Variants in GYS2 observed in about 807,000 individuals in gnomAD.
GYS2 encodes the protein glycogen synthase 2, also known as glycogen [starch] synthase, liver.
A neutral mutation model predicts 85.6 loss-of-function variants in GYS2; 80 were observed. That is an observed-to-expected ratio of 0.93 (90% CI 0.78 to 1.13). The LOEUF is 1.13. GYS2 is among the 50% of genes most tolerant of loss of function. The pLI is 0.00. For synonymous variants in GYS2, 328 were observed against 300.7 expected, an observed-to-expected ratio of 1.09 and a Z score of -0.94; for missense variants, 881 against 854.9, an observed-to-expected ratio of 1.03 and a Z score of -0.38.
chr12:21,571,618 A>G (rs573366045), intron 4 of GYS2, among the ~76,000 whole-genome samples: 2 of 152,172 alleles, frequency 1.3e-5, no homozygotes, highest in Non-Finnish European at 2.9e-5. Context: ...CCATTTTCCA[A>G]TCCCAAACGG....
At chr12:21,593,749 C>G (rs1944665379) in intron 1 of GYS2, among the ~76,000 whole-genome samples, 1 of 152,088 alleles carries the variant, frequency 6.6e-6, no homozygotes, top group African/African-American at 2.4e-5. Flanking sequence ...GGAATTCTCC[C>G]TAACTCATTC....
intron 1 of GYS2, among the ~76,000 whole-genome samples, chr12:21,596,820 G>C (rs1347508586): frequency 6.6e-6 from 1 of 152,150 alleles, no homozygotes; most frequent in Non-Finnish European, 1.5e-5. Flanking sequence ...GTCACTGTTT[G>C]CTGATGATAT....
chr12:21,538,933 C>T (rs1427110884), intron 15 of GYS2, among the ~76,000 whole-genome samples: 4 of 152,184 alleles, frequency 2.6e-5, no homozygotes, highest in East Asian at 1.9e-4. Context: ...TAAACACTTC[C>T]TTGGAGAGCA....
At chr12:21,599,187 A>G (rs1236110030) in intron 1 of GYS2, among the ~76,000 whole-genome samples, 1 of 152,104 alleles carries the variant, frequency 6.6e-6, no homozygotes, top group Non-Finnish European at 1.5e-5. Context: ...TATGCTTAAA[A>G]ATTACAGACT....
intron 4 of GYS2, among the ~76,000 whole-genome samples, chr12:21,570,436 T>C (rs1412813584): frequency 2.0e-5 from 3 of 152,226 alleles, no homozygotes; most frequent in African/African-American, 7.2e-5. Flanking sequence ...TGGCTGAAGG[T>C]AGGCAAAATT....
chr12:21,533,667 T>C (rs1185020134), downstream of GYS2, among the ~76,000 whole-genome samples: 2 of 152,238 alleles, frequency 1.3e-5, no homozygotes, highest in Non-Finnish European at 2.9e-5. Context: ...CCTGGAAAAC[T>C]ATTAGTATAA....
At position 21,574,046 on chromosome 12, in the gene GYS2, T is replaced by C. The variant is rs867881083; in HGVS notation, c.678+98A>G. On this transcript the variant is annotated intron_variant, in intron 4 of 15. Transcript: ENST00000261195. Reference sequence around the variant, plus strand: ...ATTAGCTAAAAGGGCATTTCTGCCATCTGGTTGGCAGATGAAATGTACAGA... The same window carrying C: ...ATTAGCTAAAAGGGCATTTCTGCCACCTGGTTGGCAGATGAAATGTACAGA... The C allele has an allele frequency of 3.0e-5, 29 of 957,032 alleles. No homozygotes were observed. The African/African-American group carries it at 4.5e-4, about 15-fold the overall frequency. The allele number at this position is 957,032 out of a possible 1,614,324, so 59.3% of individuals were successfully genotyped here.
At chr12:21,537,644 G>A (rs2136832617) in intron 15 of GYS2, among the ~76,000 whole-genome samples, 1 of 152,292 alleles carries the variant, frequency 6.6e-6, no homozygotes, top group Non-Finnish European at 1.5e-5. Flanking sequence ...GCTTTTGGAT[G>A]TGGATAGCCT....
At chr12:21,535,886 T>G (rs1943905383), downstream of GYS2, among the ~76,000 whole-genome samples, 1 of 152,238 alleles carries the variant, frequency 6.6e-6, no homozygotes, top group Non-Finnish European at 1.5e-5. Context: ...TAGACTTAAT[T>G]ACACTTAAAA....
At chr12:21,546,000 A>G (rs1944034398) in intron 12 of GYS2, among the ~76,000 whole-genome samples, 1 of 152,188 alleles carries the variant, frequency 6.6e-6, no homozygotes, top group Non-Finnish European at 1.5e-5. Context: ...CTTACAGTCA[A>G]TTTCTCCTTC....
chr12:21,542,393 T>G (rs944747449), intron 13 of GYS2, 103 bp downstream of exon 13: 1 of 795,460 alleles, frequency 1.3e-6, no homozygotes, highest in Non-Finnish European at 2.3e-6. Flanking sequence ...AACATTAGTT[T>G]AATTATCAGG....
chr12:21,547,535 G>A (rs1944056377), intron 11 of GYS2, among the ~76,000 whole-genome samples: 1 of 152,166 alleles, frequency 6.6e-6, no homozygotes, highest in African/African-American at 2.4e-5. Context: ...ACTACATGAT[G>A]TATGATTTCA....
chr12:21,543,396 G>T (rs1254603597), intron 12 of GYS2, among the ~76,000 whole-genome samples: 1 of 152,148 alleles, frequency 6.6e-6, no homozygotes, highest in Non-Finnish European at 1.5e-5. Flanking sequence ...GGTGGGTGGT[G>T]CAGAGGAGGA....
intron 4 of GYS2, among the ~76,000 whole-genome samples, chr12:21,571,137 T>G (rs1243800790): frequency 2.0e-5 from 3 of 152,196 alleles, no homozygotes; most frequent in East Asian, 1.9e-4. Context: ...AGAGGCAGGA[T>G]AGCAAGAGCC....
chr12:21,563,247 C>T lies in GYS2; in HGVS notation c.922G>A (p.Val308Ile), dbSNP rs779316853. ...TCATACCCATAGAAATGACCTCGAACAAAATCTTGGATTCTGGCCTTGTAC... is the reference window on the plus strand; with the variant it reads ...TCATACCCATAGAAATGACCTCGAATAAAATCTTGGATTCTGGCCTTGTAC... The part of the protein sequence containing the change: ...AMYKARIQDF[V>I]RGHFYGHLDF... Residue 308 changes from valine (V) to isoleucine (I), a missense_variant, in exon 6 of 16, where the codon GTT (valine) becomes ATT (isoleucine). Transcript: ENST00000261195. The T allele has an allele frequency of 1.9e-6, 3 of 1,605,236 alleles. No homozygotes were observed. In the South Asian group the frequency reaches 3.3e-5, roughly 18 times the overall value.
chr12:21,558,259 G>A lies in GYS2; in HGVS notation c.1363C>T (p.Pro455Ser). 1 of 1,613,974 alleles carries A rather than the reference G, an allele frequency of 6.2e-7. No homozygotes were observed. Among genetic ancestry groups the A allele is most frequent in the Non-Finnish European group, 8.5e-7 (1 of 1,179,870 alleles). ...ATCCGTCTAATGGTGCTGAGGATGG[G>A]GTCGGTGGAGTCATCAATCATGTTG... The part of the protein sequence containing the change: ...THNMIDDSTD[P>S]ILSTIRRIGL... The change falls in exon 11 of 16, where the codon CCC (proline) becomes TCC (serine). Residue 455 changes from proline (P) to serine (S), a missense_variant. Physicochemically the swap from Pro to Ser is moderately conservative, Grantham distance 74. Coordinates refer to ENST00000261195, the MANE Select transcript of GYS2 (RefSeq NM_021957.4).
chr12:21,584,874 C>A (rs932405193), intron 1 of GYS2, among the ~76,000 whole-genome samples: 1 of 152,192 alleles, frequency 6.6e-6, no homozygotes, highest in African/African-American at 2.4e-5. Flanking sequence ...CACTTTATGG[C>A]TAAAGAAGTG....
At chr12:21,551,339 T>C (rs1340125461) in intron 11 of GYS2, among the ~76,000 whole-genome samples, 6 of 152,082 alleles carry the variant, frequency 3.9e-5, no homozygotes, top group Non-Finnish European at 7.4e-5. Flanking sequence ...CTTGGGTATG[T>C]AACAATTATC....
chr12:21,582,040 C>G (rs142629194), intron 1 of GYS2, among the ~76,000 whole-genome samples: 1 of 151,696 alleles, frequency 6.6e-6, no homozygotes, highest in Non-Finnish European at 1.5e-5. Context: ...CGCAAAAGAC[C>G]GAATCAACAG....
Sources: allele counts gnomAD v4.1 joint callset (sites outside exome capture counted in the v4.1 genomes callset), GRCh38; gene constraint gnomAD v4.1.1; transcripts MANE v1.5; gene names NCBI Gene and HGNC (gene_info 2026-07-23, HGNC 2026-07-21).